The following HMGA1 variants were observed in gnomAD, a reference collection of about 807,000 sequenced individuals.
HMGA1 encodes high mobility group AT-hook 1.
A neutral mutation model predicts 15.1 loss-of-function variants in HMGA1; 1 was observed. That is an observed-to-expected ratio of 0.07 (90% CI 0.02 to 0.31). The LOEUF (loss-of-function observed/expected upper bound fraction) is 0.31. Ranked by LOEUF, HMGA1 falls within the 10% of genes least tolerant of loss-of-function variation. HMGA1 has a pLI of 1.00. For synonymous variants in HMGA1, 56 were observed against 54.8 expected (o/e 1.02, Z -0.10); for missense variants, 94 against 141.4 (o/e 0.66, Z 1.70).
At chr6:34,237,648 G>T (rs970723010) in intron 2 of HMGA1, among the ~76,000 whole-genome samples, 10 of 147,904 alleles carry the variant, frequency 6.8e-5, no homozygotes, top group South Asian at 2.1e-4. Context: ...GCCCGGAGGA[G>T]CCCGGCGCAC....
chr6:34,244,904 C>T lies in HMGA1; in HGVS notation c.*20C>T, dbSNP rs1762614267. On this transcript the variant is annotated 3_prime_UTR_variant, in exon 6 of 6. Coordinates refer to ENST00000311487, the MANE Select transcript of HMGA1 (RefSeq NM_145899.3). ...CAGTGACCCATGCGTGCCGCCTGCTCCTCACTGGAGGAGCAGCTTCCTTCT... is the reference window on the plus strand; with the variant it reads ...CAGTGACCCATGCGTGCCGCCTGCTTCTCACTGGAGGAGCAGCTTCCTTCT... 1.9e-6 allele frequency: 3 copies of T among 1,552,982 alleles called. No individual in the cohort carries two copies. Among genetic ancestry groups the T allele is most frequent in the African/African-American group, 1.4e-5 (1 of 73,422 alleles).
At chr6:34,244,049 C>CT (rs945618343) in intron 5 of HMGA1, among the ~76,000 whole-genome samples, 8 of 151,812 alleles carry the variant, frequency 5.3e-5, no homozygotes, top group African/African-American at 1.9e-4. Flanking sequence ...AGTCAAGAAG[C>CT]TGCCTCTAGG....
chr6:34,241,533 G>A (rs1027082319), intron 3 of HMGA1, among the ~76,000 whole-genome samples: 4 of 152,186 alleles, frequency 2.6e-5, no homozygotes, highest in Non-Finnish European at 5.9e-5. Flanking sequence ...AAATGTTGGG[G>A]AGTTGGTGGC....
chr6:34,242,205 G>T (rs1045500073), intron 3 of HMGA1, among the ~76,000 whole-genome samples: 3 of 152,190 alleles, frequency 2.0e-5, no homozygotes, highest in African/African-American at 7.2e-5. Context: ...GCCTGGATGG[G>T]CTCCAGGTTT....
chr6:34,244,792 C>G (rs1332790849), intron 5 of HMGA1, 39 bp from the exon 6 acceptor site: 2 of 1,538,608 alleles, frequency 1.3e-6, no homozygotes, highest in Non-Finnish European at 1.8e-6. Flanking sequence ...AAGAGGGGGA[C>G]CGGGCCAGAG....
intron 2 of HMGA1, among the ~76,000 whole-genome samples, chr6:34,238,202 A>G (rs1007445567): frequency 3.3e-5 from 5 of 151,988 alleles, no homozygotes; most frequent in Admixed American, 2.0e-4. Flanking sequence ...GTGGCGGTGC[A>G]TGCGGTCGGG....
chr6:34,244,108 C>T (rs911196164), intron 5 of HMGA1, among the ~76,000 whole-genome samples: 67 of 151,916 alleles, frequency 4.4e-4, no homozygotes, highest in Admixed American at 1.5e-3. Flanking sequence ...CTGGCCCTCT[C>T]CTACCCCCAG....
intron 5 of HMGA1, 106 bp downstream of exon 5, chr6:34,243,624 T>A: frequency 1.1e-6 from 1 of 938,768 alleles, no homozygotes; most frequent in Non-Finnish European, 1.7e-6. Flanking sequence ...AGGCTCTCCT[T>A]GACCTGCTGG....
At chr6:34,244,634 TG>T (rs370210916) in intron 5 of HMGA1, among the ~76,000 whole-genome samples, 196 bp from the exon 6 acceptor site, 84 of 152,184 alleles carry the variant, frequency 5.5e-4, no homozygotes, top group East Asian at 4.3e-3. Flanking sequence ...AGCATGTGTG[TG>T]GGGTTTTTTC....
intron 2 of HMGA1, among the ~76,000 whole-genome samples, chr6:34,237,716 T>G: frequency 8.8e-6 from 1 of 113,342 alleles, no homozygotes; most frequent in African/African-American, 3.0e-5. Context: ...CGGGCCCGGG[T>G]GAGGGGCGGG....
At chr6:34,237,123 CAT>C (rs1761815767) in intron 1 of HMGA1, 79 bp from the exon 2 acceptor site, 1 of 152,014 alleles carries the variant, frequency 6.6e-6, no homozygotes, top group Admixed American at 6.6e-5. Context: ...GGCTGTGACA[CAT>C]AAATACCCCG....
intron 3 of HMGA1, among the ~76,000 whole-genome samples, chr6:34,241,652 TG>T (rs970928694): frequency 1.8e-4 from 28 of 152,188 alleles, no homozygotes; most frequent in African/African-American, 6.3e-4. Context: ...CATTTGGGCA[TG>T]GGGGGGACCC....
At chr6:34,242,905 G>A in intron 4 of HMGA1, 110 bp downstream of exon 4, 1 of 782,950 alleles carries the variant, frequency 1.3e-6, no homozygotes, top group Middle Eastern at 2.2e-4. Flanking sequence ...AGTCATCTCA[G>A]TTGTGTACCC....
Position 34,245,228 on chromosome 6 carries a change from T to A in HMGA1, c.*344T>A. The A allele has an allele frequency of 2.2e-6, 3 of 1,390,308 alleles. No individual in the cohort carries two copies. Among genetic ancestry groups the A allele is most frequent in the South Asian group, 2.4e-5 (2 of 81,892 alleles). 86.1% of individuals were successfully genotyped at this position (1,390,308 alleles called of 1,614,324 possible). ...CCCACTCCCTTGGTGGTGGGGACAT[T>A]GCTCTCTGGGCTTTTGGTTTGGGGG... On this transcript the variant is annotated 3_prime_UTR_variant, in exon 6 of 6. Transcript: ENST00000311487.
intron 2 of HMGA1, chr6:34,238,720 TTTC>T (rs1168213762): frequency 2.6e-5 from 4 of 151,952 alleles, no homozygotes; most frequent in Admixed American, 1.3e-4. Flanking sequence ...AAGACGAACG[TTTC>T]TTGGCCTCAC....
At chr6:34,243,409 C>T in intron 4 of HMGA1, 59 bp from the exon 5 acceptor site, 1 of 1,333,286 alleles carries the variant, frequency 7.5e-7, no homozygotes, top group East Asian at 2.3e-5. Flanking sequence ...CACTATTGGG[C>T]ATCGGGTGAG....
intron 2 of HMGA1, among the ~76,000 whole-genome samples, chr6:34,238,081 C>G (rs916019420): frequency 6.6e-6 from 1 of 152,110 alleles, no homozygotes; most frequent in Admixed American, 6.5e-5. Context: ...GGGGAGGGGA[C>G]GGAGGGAGGG....
intron 5 of HMGA1, among the ~76,000 whole-genome samples, chr6:34,244,535 T>C (rs562237707): frequency 6.6e-6 from 1 of 152,282 alleles, no homozygotes; most frequent in South Asian, 2.1e-4. Context: ...AGTCACATCC[T>C]GAAGCTCATT....
At chr6:34,240,465 C>A (rs1194218200) in intron 2 of HMGA1, among the ~76,000 whole-genome samples, 2 of 152,104 alleles carry the variant, frequency 1.3e-5, no homozygotes, top group East Asian at 1.9e-4. Context: ...TGGGACCCCC[C>A]CCACCACGCT....
Sources: gnomAD v4.1 joint callset for allele counts (sites outside exome capture counted in the v4.1 genomes callset) on GRCh38, gnomAD v4.1.1 for gene constraint, MANE v1.5 for transcripts, NCBI Gene and HGNC (gene_info 2026-07-23, HGNC 2026-07-21) for gene names.